The following TAFA5 variants were observed in gnomAD, a reference collection of about 807,000 sequenced individuals.
TAFA5 encodes chemokine-like protein TAFA-5.
Under a neutral mutation model 15.3 loss-of-function variants are expected in TAFA5, and 6 were observed. That is an observed-to-expected ratio of 0.39 (90% CI 0.21 to 0.77). The LOEUF is 0.77. TAFA5 is among the 30% of genes least tolerant of loss of function. The pLI is 0.41. For missense variants in TAFA5, 161 were observed against 193.1 expected, an observed-to-expected ratio of 0.83 and a Z score of 0.98; for synonymous variants, 103 against 80.7, an observed-to-expected ratio of 1.28 and a Z score of -1.48.
At chr22:48,652,466 G>A (rs1441702096) in intron 2 of TAFA5, among the ~76,000 whole-genome samples, 3 of 152,210 alleles carry the variant, frequency 2.0e-5, no homozygotes, top group Non-Finnish European at 4.4e-5. Flanking sequence ...TGACCACAGA[G>A]CTCACAGGAG....
intron 1 of TAFA5, among the ~76,000 whole-genome samples, chr22:48,558,657 G>C (rs534170714): frequency 6.6e-6 from 1 of 152,186 alleles, no homozygotes; most frequent in Non-Finnish European, 1.5e-5. Context: ...AGTATCTTCC[G>C]GGCGTGGCCA....
At chr22:48,731,877 G>T (rs915146275) in intron 3 of TAFA5, among the ~76,000 whole-genome samples, 3 of 152,204 alleles carry the variant, frequency 2.0e-5, no homozygotes, top group Admixed American at 2.0e-4. Context: ...TCTTCTTTAA[G>T]AAATACATTT....
chr22:48,705,590 C>T (rs949188337), intron 2 of TAFA5, among the ~76,000 whole-genome samples: 3 of 152,198 alleles, frequency 2.0e-5, no homozygotes, highest in Non-Finnish European at 4.4e-5. Flanking sequence ...TGTGGTCCAG[C>T]GGCATGATTG....
intron 2 of TAFA5, among the ~76,000 whole-genome samples, chr22:48,670,619 A>G (rs1046541081): frequency 2.0e-5 from 3 of 152,270 alleles, no homozygotes; most frequent in Non-Finnish European, 2.9e-5. Context: ...TGGCCTGGGC[A>G]GGGTCGAACC....
chr22:48,522,268 G>A (rs555629882), intron 1 of TAFA5, among the ~76,000 whole-genome samples: 2 of 152,002 alleles, frequency 1.3e-5, no homozygotes, highest in South Asian at 4.2e-4. Flanking sequence ...GCAGTTCTGG[G>A]CCTTGTATCT....
chr22:48,609,029 T>C (rs1487662794), intron 1 of TAFA5, among the ~76,000 whole-genome samples: 1 of 151,702 alleles, frequency 6.6e-6, no homozygotes, highest in Non-Finnish European at 1.5e-5. Flanking sequence ...TTCATTTGAG[T>C]GGGTTGGGGG....
chr22:48,643,994 G>A (rs951650827), intron 1 of TAFA5, among the ~76,000 whole-genome samples: 5 of 152,212 alleles, frequency 3.3e-5, no homozygotes, highest in Non-Finnish European at 5.9e-5. Flanking sequence ...ACGTGTGCTC[G>A]GGACCCGTCC....
intron 1 of TAFA5, among the ~76,000 whole-genome samples, chr22:48,596,724 G>A (rs757122841): frequency 2.4e-5 from 3 of 123,848 alleles, no homozygotes; most frequent in East Asian, 2.4e-4. Context: ...CCCACGTATC[G>A]TGACGTGCGT....
chr22:48,727,616 A>G (rs997356938), intron 3 of TAFA5, among the ~76,000 whole-genome samples: 1 of 152,228 alleles, frequency 6.6e-6, no homozygotes, highest in East Asian at 1.9e-4. Context: ...AGTGAAGACA[A>G]TAAATGTAAA....
rs1282438696 is a variant in TAFA5 at position 48,536,423 on chromosome 22, G to T, written c.112+46719G>T. ...GCAGGCCGTCCTTTCAGCCCTGACA[G>T]CGTGTCAGCACCGGGAGCCGGCGCG... On this transcript the variant is annotated intron_variant, in intron 1 of 3. Coordinates refer to ENST00000402357, the MANE Select transcript of TAFA5 (RefSeq NM_001082967.3). 3.3e-5 allele frequency among the ~76,000 whole-genome samples: 5 copies of T among 152,374 alleles called. No individual in the cohort carries two copies. In the South Asian group the frequency reaches 1.0e-3, roughly 32 times the overall value.
chr22:48,496,151 T>C (rs967824787), intron 1 of TAFA5, among the ~76,000 whole-genome samples: 4 of 152,326 alleles, frequency 2.6e-5, no homozygotes, highest in South Asian at 2.1e-4. Context: ...TGAGCATGCA[T>C]CCCCATCCCC....
chr22:48,502,462 C>T (rs987474709), intron 1 of TAFA5, among the ~76,000 whole-genome samples: 1 of 151,866 alleles, frequency 6.6e-6, no homozygotes, highest in Admixed American at 6.6e-5. Flanking sequence ...TTAATGGCTC[C>T]AAGACTTCTA....
intron 1 of TAFA5, among the ~76,000 whole-genome samples, chr22:48,582,114 G>C (rs1008038105): frequency 1.3e-5 from 2 of 151,978 alleles, no homozygotes; most frequent in South Asian, 2.1e-4. Context: ...CCCTTTCCTC[G>C]TTCTCCTTTT....
intron 1 of TAFA5, among the ~76,000 whole-genome samples, chr22:48,541,572 C>T (rs1039937268): frequency 6.6e-6 from 1 of 152,228 alleles, no homozygotes; most frequent in Non-Finnish European, 1.5e-5. Context: ...CCCAGCCCAC[C>T]TGTATGCCAC....
chr22:48,725,550 C>T (rs182496990), intron 3 of TAFA5, among the ~76,000 whole-genome samples: 78 of 151,958 alleles, frequency 5.1e-4, no homozygotes, highest in Middle Eastern at 3.4e-3. Context: ...GGACCTGGAA[C>T]GAAGGCAGAC....
At chr22:48,642,675 A>G (rs1354905775) in intron 1 of TAFA5, among the ~76,000 whole-genome samples, 1 of 151,442 alleles carries the variant, frequency 6.6e-6, no homozygotes, top group Admixed American at 6.6e-5. Context: ...GTGTGTGTGG[A>G]GTATGTGGTG....
At chr22:48,680,423 A>C (rs766405143) in intron 2 of TAFA5, among the ~76,000 whole-genome samples, 73 of 152,248 alleles carry the variant, frequency 4.8e-4, no homozygotes, top group Middle Eastern at 3.4e-3. Context: ...GCCCTGTGGC[A>C]TTTAGTCTCC....
intron 2 of TAFA5, among the ~76,000 whole-genome samples, chr22:48,678,652 C>A (rs1233791768): frequency 6.6e-6 from 1 of 151,508 alleles, no homozygotes; most frequent in Admixed American, 6.6e-5. Context: ...AAAGTGTCCT[C>A]AGCCCACCCA....
chr22:48,637,741 C>T (rs891286788), intron 1 of TAFA5, among the ~76,000 whole-genome samples: 7 of 152,082 alleles, frequency 4.6e-5, no homozygotes, highest in African/African-American at 9.7e-5. Flanking sequence ...CAGAGTAGAA[C>T]TCACAGCCTC....
Sources: gnomAD v4.1 joint callset for allele counts (sites outside exome capture counted in the v4.1 genomes callset) on GRCh38, gnomAD v4.1.1 for gene constraint, MANE v1.5 for transcripts, NCBI Gene and HGNC (gene_info 2026-07-23, HGNC 2026-07-21) for gene names.